Variants in XCR1 observed in about 807,000 individuals in gnomAD.
The protein encoded by XCR1 is chemokine XC receptor 1.
For missense variants in XCR1, 356 were observed against 424.2 expected, an observed-to-expected ratio of 0.84 and a Z score of 1.41; for synonymous variants, 187 against 188.5, an observed-to-expected ratio of 0.99 and a Z score of 0.06.
At chr3:46,062,483 C>T (rs1306515065) in intron 4 of XCR1, among the ~76,000 whole-genome samples, 1 of 152,232 alleles carries the variant, frequency 6.6e-6, no homozygotes, top group African/African-American at 2.4e-5. Flanking sequence ...TCAGAACTTT[C>T]TATGTTACGG....
At chr3:46,053,166 TA>T (rs1697781023) in intron 5 of XCR1, among the ~76,000 whole-genome samples, 1 of 151,094 alleles carries the variant, frequency 6.6e-6, no homozygotes, top group African/African-American at 2.5e-5. Flanking sequence ...AGAAGACACA[TA>T]GCACCAAACA....
At chr3:46,062,148 G>C (rs575262897) in intron 4 of XCR1, among the ~76,000 whole-genome samples, 1 of 152,254 alleles carries the variant, frequency 6.6e-6, no homozygotes, top group African/African-American at 2.4e-5. Context: ...GAGTGGTTAG[G>C]GTTCAGGAGA....
At chr3:46,038,030 G>GTT (rs368953503) in intron 5 of XCR1, among the ~76,000 whole-genome samples, 2,226 of 123,158 alleles carry the variant, frequency 0.018, 67 homozygotes, top group African/African-American at 0.065. Flanking sequence ...TTTGTTTTTT[G>GTT]TTTTTTTTTT....
In XCR1 at chr3:46,066,671, C is replaced by T. The variant is rs369748042; in HGVS notation, c.-183+228G>A. On this transcript the variant is annotated intron_variant, in intron 4 of 5. Transcript: ENST00000683768. Reference sequence around the variant, plus strand: ...TCTTTGGATGGGGCCCAGGCCTCTGCATTTGTAACAAGTGTCTAAGCAGTC... The same window carrying T: ...TCTTTGGATGGGGCCCAGGCCTCTGTATTTGTAACAAGTGTCTAAGCAGTC... Among the ~76,000 whole-genome samples, 77 of 152,302 alleles carry T rather than the reference C, an allele frequency of 5.1e-4. 5 individuals carry two copies. The East Asian group carries it at 6.2e-3, about 12-fold the overall frequency.
intron 3 of XCR1, among the ~76,000 whole-genome samples, chr3:46,072,438 T>C (rs766202729): frequency 5.3e-5 from 8 of 152,292 alleles, no homozygotes; most frequent in Non-Finnish European, 1.0e-4. Context: ...GAAGATTGCT[T>C]GAGTCTGGGA....
chr3:46,022,944 A>G (rs911070386), intron 1 of XCR1, among the ~76,000 whole-genome samples: 2 of 152,242 alleles, frequency 1.3e-5, no homozygotes, highest in African/African-American at 4.8e-5. Context: ...CCTGTTCCCA[A>G]GGAAATAAAG....
chr3:46,069,810 C>T (rs1291223398), intron 3 of XCR1, among the ~76,000 whole-genome samples: 1 of 151,398 alleles, frequency 6.6e-6, no homozygotes, highest in Non-Finnish European at 1.5e-5. Flanking sequence ...TAGTTCTGCT[C>T]TCATCTTTAT....
Position 46,047,529 on chromosome 3 carries a change from T to A in XCR1, c.-32+6391A>T, listed in dbSNP as rs575911641. On this transcript the variant is annotated intron_variant, in intron 5 of 5. Coordinates refer to the XCR1 transcript ENST00000683768. ...ACAAACTGTAAATTGAGTGGTGATA[T>A]TCTTTACAAATGTAACATTAAGACT... 2.6e-5 allele frequency among the ~76,000 whole-genome samples: 4 copies of A among 152,372 alleles called. No individual in the cohort carries two copies. In the East Asian group the frequency reaches 7.7e-4, roughly 29 times the overall value.
chr3:46,044,542 CA>C (rs1480549212), intron 5 of XCR1, among the ~76,000 whole-genome samples: 4 of 151,688 alleles, frequency 2.6e-5, no homozygotes, highest in African/African-American at 9.7e-5. Flanking sequence ...AACAAGAAAT[CA>C]ATAGAGAAAA....
At chr3:46,074,404 G>A (rs568311721) in intron 3 of XCR1, among the ~76,000 whole-genome samples, 2 of 151,974 alleles carry the variant, frequency 1.3e-5, no homozygotes, top group Non-Finnish European at 2.9e-5. Context: ...ATAAGTGGGA[G>A]CTAAATAATG....
chr3:46,074,214 CTTTTTTTTTTTTT>C (rs35124592), intron 3 of XCR1, among the ~76,000 whole-genome samples: 3 of 86,668 alleles, frequency 3.5e-5, no homozygotes, highest in African/African-American at 8.6e-5. Context: ...TGAAGGCCAT[CTTTTTTTTTTTTT>C]TTTTTTTTTT....
chr3:46,081,699 T>A (rs1015350305), intron 1 of XCR1, among the ~76,000 whole-genome samples: 1 of 143,400 alleles, frequency 7.0e-6, no homozygotes, highest in Non-Finnish European at 1.5e-5. Flanking sequence ...TTTTTCTTTT[T>A]TTTTTTTAAA....
At position 46,021,909 on chromosome 3, in the gene XCR1, A is replaced by T; in HGVS notation, c.39T>A (p.Phe13Leu). The T allele has an allele frequency of 6.2e-7, 1 of 1,613,910 alleles. No homozygotes were observed. The highest frequency in any genetic ancestry group is 1.3e-5 in the African/African-American group (1 of 75,008). Residue 13 changes from phenylalanine (F) to leucine (L), a missense_variant, in exon 2 of 2, where the codon TTT (phenylalanine) becomes TTA (leucine). Transcript: ENST00000309285. This position sits in a 1 kb window ranked among gnomAD's most constrained non-coding sequence, Gnocchi z 4.7. ...SSGNPESTTF[F>L]YYDLQSQPCE... ...ACGGCTGGCTCTGAAGGTCATAGTA[A>T]AAAAAGGTGGTGCTCTCTGGGTTGC... is the stretch of plus-strand genomic sequence containing the variant.
chr3:46,043,189 C>T (rs1379024981), intron 5 of XCR1, among the ~76,000 whole-genome samples: 1 of 151,682 alleles, frequency 6.6e-6, no homozygotes, highest in Admixed American at 6.6e-5. Context: ...GCCTGTAACC[C>T]CAGCACTTTG....
At chr3:46,055,451 TAC>T (rs1299991134) in intron 4 of XCR1, among the ~76,000 whole-genome samples, 2 of 152,136 alleles carry the variant, frequency 1.3e-5, no homozygotes, top group Non-Finnish European at 2.9e-5. Flanking sequence ...ATAATGAAAA[TAC>T]AGTTTCTTCA....
intron 1 of XCR1, chr3:46,022,182 T>G: frequency 2.3e-6 from 1 of 441,288 alleles, no homozygotes; most frequent in Non-Finnish European, 4.0e-6. Context: ...ATGCCTATAG[T>G]CCCAGCTACT....
At chr3:46,035,635 C>T (rs1204309825) in intron 5 of XCR1, among the ~76,000 whole-genome samples, 2 of 152,192 alleles carry the variant, frequency 1.3e-5, no homozygotes, top group African/African-American at 2.4e-5. Flanking sequence ...CAACTGTGTT[C>T]CTGATTGCCT....
At chr3:46,032,381 C>A (rs916201979), upstream of XCR1, among the ~76,000 whole-genome samples, 2 of 152,220 alleles carry the variant, frequency 1.3e-5, no homozygotes, top group African/African-American at 4.8e-5. Context: ...TCACAGAGAG[C>A]CAGCATCCAG....
chr3:46,030,059 T>C (rs1483341984), upstream of XCR1, among the ~76,000 whole-genome samples: 1 of 104,550 alleles, frequency 9.6e-6, no homozygotes, highest in African/African-American at 3.3e-5. Context: ...TTTGTTTTTG[T>C]TTTTTTGGTG....
Sources: allele counts gnomAD v4.1 joint callset (sites outside exome capture counted in the v4.1 genomes callset), GRCh38; gene constraint gnomAD v4.1.1; non-coding constraint Gnocchi (gnomAD v3.1); transcripts MANE v1.5; gene names NCBI Gene and HGNC (gene_info 2026-07-23, HGNC 2026-07-21).